The following CFTR variants were observed in gnomAD, a reference collection of about 807,000 sequenced individuals.
CFTR encodes cystic fibrosis transmembrane conductance regulator.
In CFTR, 181 loss-of-function variants were observed where a neutral mutation model predicts 171.6. That is an observed-to-expected ratio of 1.05 (90% CI 0.93 to 1.19). The LOEUF is 1.19. Among genes scored for constraint, CFTR ranks in the 50% most tolerant of loss-of-function variants. The pLI is 0.00. For synonymous variants in CFTR, 583 were observed against 608.0 expected (o/e 0.96, Z 0.60); for missense variants, 1,968 against 1,734.7 (o/e 1.13, Z -2.39).
At chr7:117,621,902 G>A (rs1792587660) in intron 21 of CFTR, among the ~76,000 whole-genome samples, 1 of 152,172 alleles carries the variant, frequency 6.6e-6, no homozygotes, top group African/African-American at 2.4e-5. Flanking sequence ...GACACACTTA[G>A]TACCATGTTT....
intron 11 of CFTR, among the ~76,000 whole-genome samples, chr7:117,582,734 G>A (rs1791867528): frequency 6.6e-6 from 1 of 152,202 alleles, no homozygotes; most frequent in Non-Finnish European, 1.5e-5. Context: ...AATGGACAGA[G>A]TAACATGGTA....
In CFTR at chr7:117,611,697, A is replaced by G. The variant is rs373043500; in HGVS notation, c.3256A>G (p.Thr1086Ala). The part of the protein sequence containing the change: ...TLFHKALNLH[T>A]ANWFLYLSTL... ...GTTCCACAAAGCTCTGAATTTACATACTGCCAACTGGTTCTTGTACCTGTC... is the reference window on the plus strand; with the variant it reads ...GTTCCACAAAGCTCTGAATTTACATGCTGCCAACTGGTTCTTGTACCTGTC... The change falls in exon 20 of 27, where the codon ACT becomes GCT. Residue 1086 changes from threonine to alanine, a missense_variant. Coordinates refer to ENST00000003084, the MANE Select transcript of CFTR (RefSeq NM_000492.4). The G allele has an allele frequency of 2.5e-6, 4 of 1,613,426 alleles. No individual in the cohort carries two copies. The highest frequency in any genetic ancestry group is 3.4e-6 in the Non-Finnish European group (4 of 1,179,704).
At chr7:117,538,211 A>G (rs1798990011) in intron 7 of CFTR, among the ~76,000 whole-genome samples, 2 of 152,180 alleles carry the variant, frequency 1.3e-5, no homozygotes, top group Admixed American at 1.3e-4. Flanking sequence ...AATGTTCTGG[A>G]AGAGATTGGC....
chr7:117,481,050 C>T (rs979885814), intron 1 of CFTR, among the ~76,000 whole-genome samples: 18 of 152,172 alleles, frequency 1.2e-4, no homozygotes, highest in Admixed American at 6.5e-4. Flanking sequence ...AATAAGCATA[C>T]TGAGGTATCA....
chr7:117,543,850 T>C (rs1008977304), intron 9 of CFTR, among the ~76,000 whole-genome samples: 17 of 152,222 alleles, frequency 1.1e-4, no homozygotes, highest in Non-Finnish European at 2.4e-4. Flanking sequence ...AAATGAGTCT[T>C]CCAATACTGT....
chr7:117,651,088 G>T (rs183939147), intron 23 of CFTR, among the ~76,000 whole-genome samples: 87 of 152,226 alleles, frequency 5.7e-4, no homozygotes, highest in Non-Finnish European at 1.1e-3. Flanking sequence ...ATTGAAAGAG[G>T]TAACATATAG....
intron 11 of CFTR, chr7:117,586,467 G>A (rs190555757): frequency 3.9e-5 from 6 of 152,282 alleles, no homozygotes. Context: ...GAGGGCAGCA[G>A]CTAGCATGAT....
chr7:117,574,301 G>A (rs1791740664), intron 11 of CFTR, among the ~76,000 whole-genome samples: 1 of 151,872 alleles, frequency 6.6e-6, no homozygotes, highest in Non-Finnish European at 1.5e-5. Context: ...CAGGATATTG[G>A]TATTATTAAT....
intron 17 of CFTR, among the ~76,000 whole-genome samples, chr7:117,606,396 A>G (rs1432593023): frequency 6.6e-6 from 1 of 152,228 alleles, no homozygotes; most frequent in Non-Finnish European, 1.5e-5. Context: ...GACATAATTT[A>G]TAGTAAAAGC....
chr7:117,566,174 C>A (rs1451864064), intron 11 of CFTR, among the ~76,000 whole-genome samples: 1 of 151,460 alleles, frequency 6.6e-6, no homozygotes, highest in East Asian at 1.9e-4. Flanking sequence ...TGTCTCATGC[C>A]TGTAATAATA....
chr7:117,660,344 A>G (rs913695205), intron 24 of CFTR, among the ~76,000 whole-genome samples: 2 of 152,050 alleles, frequency 1.3e-5, no homozygotes, highest in Non-Finnish European at 2.9e-5. Context: ...ACAAGATTAT[A>G]TTGGGGGCAG....
At chr7:117,663,061 T>G (rs1035660197) in intron 24 of CFTR, among the ~76,000 whole-genome samples, 2 of 152,192 alleles carry the variant, frequency 1.3e-5, no homozygotes, top group Non-Finnish European at 2.9e-5. Context: ...GCAGTAGAGA[T>G]GACAGATACA....
At chr7:117,645,613 C>T (rs1792986080) in intron 23 of CFTR, among the ~76,000 whole-genome samples, 1 of 151,896 alleles carries the variant, frequency 6.6e-6, no homozygotes. Flanking sequence ...CCCTTGCATC[C>T]CTCCATTATA....
chr7:117,650,112 C>T (rs1233559554), intron 23 of CFTR, among the ~76,000 whole-genome samples: 2 of 150,208 alleles, frequency 1.3e-5, no homozygotes, highest in East Asian at 4.0e-4. Context: ...ATCTTAAAGG[C>T]CTGAGTGTAG....
intron 7 of CFTR, among the ~76,000 whole-genome samples, chr7:117,537,800 G>T (rs1019032590): frequency 6.6e-6 from 1 of 152,176 alleles, no homozygotes; most frequent in African/African-American, 2.4e-5. Flanking sequence ...TGGGGGAATT[G>T]TTCAATTGGT....
At chr7:117,634,338 G>A (rs1208521096) in intron 22 of CFTR, among the ~76,000 whole-genome samples, 1 of 151,632 alleles carries the variant, frequency 6.6e-6, no homozygotes, top group African/African-American at 2.4e-5. Context: ...CCCCTTTTTT[G>A]TTTTATTGAT....
At chr7:117,596,454 G>A (rs563987920) in intron 15 of CFTR, among the ~76,000 whole-genome samples, 3 of 152,336 alleles carry the variant, frequency 2.0e-5, no homozygotes, top group South Asian at 2.1e-4. Flanking sequence ...CCTGCTCCAC[G>A]GCACCCAGTC....
At chr7:117,639,008 A>C (rs189261686) in intron 22 of CFTR, among the ~76,000 whole-genome samples, 1 of 152,010 alleles carries the variant, frequency 6.6e-6, no homozygotes, top group Non-Finnish European at 1.5e-5. Context: ...TTGGGGGGGA[A>C]AAAAGCAGTT....
At chr7:117,539,622 G>C (rs1264468465) in intron 7 of CFTR, among the ~76,000 whole-genome samples, 1 of 151,980 alleles carries the variant, frequency 6.6e-6, no homozygotes, top group Non-Finnish European at 1.5e-5. Flanking sequence ...TTTCCAAAGT[G>C]TTAAGAATCC....
Sources: gnomAD v4.1 joint callset for allele counts (sites outside exome capture counted in the v4.1 genomes callset) on GRCh38, gnomAD v4.1.1 for gene constraint, MANE v1.5 for transcripts, NCBI Gene and HGNC (gene_info 2026-07-23, HGNC 2026-07-21) for gene names.